COL1A1: variants seen among roughly 807,000 people sequenced by gnomAD.
The protein encoded by COL1A1 is collagen alpha-1(I) chain.
A neutral mutation model predicts 195.7 loss-of-function variants in COL1A1; 21 were observed. The observed-to-expected ratio is 0.11, with a 90% CI of 0.08 to 0.15. COL1A1 has a LOEUF of 0.15. Among genes scored for constraint, COL1A1 ranks in the 10% least tolerant of loss-of-function variants. COL1A1 has a pLI of 1.00. For synonymous variants in COL1A1, 749 were observed against 747.3 expected, an observed-to-expected ratio of 1.00 and a Z score of -0.04; for missense variants, 1,365 against 2,051.0, an observed-to-expected ratio of 0.67 and a Z score of 6.46.
Position 50,193,719 on chromosome 17 carries a change from G to T in COL1A1, c.1767+224C>A. ...ACTGGTCTCAAACTCCTGACCTCAT[G>T]GTCTGCCCGCCTTGGCCTCCCAAAG... is the stretch of plus-strand genomic sequence containing the variant. On this transcript the variant is annotated intron_variant, in intron 25 of 50. Transcript: ENST00000225964. The T allele has an allele frequency of 1.3e-5, 7 of 559,940 alleles. No individual in the cohort carries two copies. In the South Asian group the frequency reaches 1.3e-4, roughly 10 times the overall value. 34.7% of individuals were successfully genotyped at this position (559,940 alleles called of 1,614,324 possible).
chr17:50,200,242 T>A, intron 1 of COL1A1: 12 of 422,234 alleles, frequency 2.8e-5, no homozygotes, highest in East Asian at 4.7e-5. Context: ...CCAAGTGAAA[T>A]AAAAACCACA....
Position 50,189,931 on chromosome 17 carries a change from G to C in COL1A1, c.2560-19C>G, listed in dbSNP as rs1484379176. 3 of 1,611,622 alleles carry C rather than the reference G, an allele frequency of 1.9e-6. No homozygotes were observed. The highest frequency in any genetic ancestry group is 2.7e-5 in the African/African-American group (2 of 74,818). On this transcript the variant is annotated intron_variant, in intron 36 of 50. Transcript: ENST00000225964. The surrounding 1 kb of genome is among the most constrained non-coding windows in gnomAD (Gnocchi z 5.5). ...CATTACCCTGTAGGAGAGCACAGAG[G>C]CATCAAGCCTGGACCCGTCCTGGGT...
chr17:50,198,987 G>A (rs564100929), intron 5 of COL1A1, among the ~76,000 whole-genome samples: 4 of 152,064 alleles, frequency 2.6e-5, no homozygotes, highest in African/African-American at 4.8e-5. Context: ...GTATTTAGGC[G>A]CAAAAGAGCC....
chr17:50,196,034 C>T, intron 15 of COL1A1, 58 bp from the exon 16 acceptor site: 1 of 1,602,202 alleles, frequency 6.2e-7, no homozygotes, highest in Non-Finnish European at 8.5e-7. Flanking sequence ...CAAGTCACAC[C>T]CTGGGACAGA....
At chr17:50,193,749 G>A in intron 25 of COL1A1, 194 bp downstream of exon 25, 1 of 630,520 alleles carries the variant, frequency 1.6e-6, no homozygotes, top group East Asian at 2.9e-5. Context: ...CCAAAGTGCT[G>A]GGATTACAGG....
At position 50,188,903 on chromosome 17, in the gene COL1A1, C is replaced by T; in HGVS notation, c.3045G>A (p.Glu1015=). Residue 1015 remains glutamate (E), a splice_region_variant and synonymous_variant, in exon 41 of 51, where the codon GAG becomes GAA. Coordinates refer to ENST00000225964, the MANE Select transcript of COL1A1 (RefSeq NM_000088.4). The surrounding 1 kb of genome is among the most constrained non-coding windows in gnomAD (Gnocchi z 5.6). ...GGCATGGGGGCTGGGGACTGCTCAC[C>T]TCACGTCCAGATTCACCAGGGGGTC... is the stretch of plus-strand genomic sequence containing the variant. ...LAGPPGESGR[E]GAPGAEGSPG... 1 of 1,599,236 alleles carries T rather than the reference C, an allele frequency of 6.3e-7. No individual in the cohort carries two copies. The highest frequency in any genetic ancestry group is 8.6e-7 in the Non-Finnish European group (1 of 1,167,042).
rs887064711 is a variant in COL1A1 at position 50,184,339 on chromosome 17, T to C, written c.*1163A>G. ...GGAGGAGGGTTTCAGAGGAGAGAGGTCGGAGAGCAGAGGCCTGAGAAGCCA... is the reference window on the plus strand; with the variant it reads ...GGAGGAGGGTTTCAGAGGAGAGAGGCCGGAGAGCAGAGGCCTGAGAAGCCA... On this transcript the variant is annotated 3_prime_UTR_variant, in exon 51 of 51. Transcript: ENST00000225964. The C allele has an allele frequency of 1.3e-4, 31 of 230,492 alleles. No homozygotes were observed. Among genetic ancestry groups the C allele is most frequent in the Admixed American group, 5.7e-5 (1 of 17,622 alleles). The allele number at this position is 230,492 out of a possible 1,614,324, so 14.3% of individuals were successfully genotyped here. A position where few individuals can be genotyped will look rare whatever the true frequency, so the allele number is the denominator to read the frequency against.
At chr17:50,200,097 C>CGGG (rs766961870) in intron 1 of COL1A1, 150 bp from the exon 2 acceptor site, 1 of 872,296 alleles carries the variant, frequency 1.1e-6, no homozygotes, top group Non-Finnish European at 1.9e-6. Context: ...AGCTCGCCTG[C>CGGG]TCCTCATCAG....
At chr17:50,200,414 G>A (rs1262168072) in intron 1 of COL1A1, among the ~76,000 whole-genome samples, 2 of 152,102 alleles carry the variant, frequency 1.3e-5, no homozygotes, top group Non-Finnish European at 2.9e-5. Context: ...TGGGGTGGCG[G>A]GGGCGGGGCT....
chr17:50,189,813 C>T lies in COL1A1; in HGVS notation c.2613+46G>A, dbSNP rs201994508. ...CAGCTGCCCTCACCTGCCACCGCTG[C>T]CTGGGGAGAGGGGAGAGGCTCAACA... On this transcript the variant is annotated intron_variant, in intron 37 of 50. Coordinates refer to ENST00000225964, the MANE Select transcript of COL1A1 (RefSeq NM_000088.4). This position sits in a 1 kb window ranked among gnomAD's most constrained non-coding sequence, Gnocchi z 5.5. 77 of 1,612,364 alleles carry T rather than the reference C, an allele frequency of 4.8e-5. No homozygotes were observed. Among genetic ancestry groups the T allele is most frequent in the Non-Finnish European group, 6.0e-5 (71 of 1,179,010 alleles).
chr17:50,189,026 GAGTC>G lies in COL1A1; in HGVS notation c.2938-20_2938-17del. The G allele has an allele frequency of 6.2e-7, 1 of 1,608,694 alleles. No homozygotes were observed. Among genetic ancestry groups the G allele is most frequent in the Non-Finnish European group, 8.5e-7 (1 of 1,175,172 alleles). The stretch of plus-strand genomic sequence containing the variant: ...CAGGTTCACCCTAAGGGAGAAGAAA[GAGTC>G]AGGCCAGAGATAGGGTCTGGGAGGA... On this transcript the variant is annotated splice_polypyrimidine_tract_variant and intron_variant, in intron 40 of 50. Coordinates refer to ENST00000225964, the MANE Select transcript of COL1A1 (RefSeq NM_000088.4). The surrounding 1 kb of genome is among the most constrained non-coding windows in gnomAD (Gnocchi z 5.5).
chr17:50,198,090 G>A lies in COL1A1; in HGVS notation c.588+71C>T. Reference sequence around the variant, plus strand: ...CAAGAGATCTCTGAGCATCTCTCCTGCCCTCATCCCAGTCTTCCCTCCAAA... The same window carrying A: ...CAAGAGATCTCTGAGCATCTCTCCTACCCTCATCCCAGTCTTCCCTCCAAA... On this transcript the variant is annotated intron_variant, in intron 7 of 50. Coordinates refer to ENST00000225964, the MANE Select transcript of COL1A1 (RefSeq NM_000088.4). 3.1e-6 allele frequency: 5 copies of A among 1,605,444 alleles called. No individual in the cohort carries two copies. The South Asian group carries it at 5.5e-5, about 18-fold the overall frequency.
rs2144558904 is a variant in COL1A1, at chr17:50,191,495, G to A, written c.2128-5C>T. 8 of 1,612,700 alleles carry A rather than the reference G, an allele frequency of 5.0e-6. No homozygotes were observed. Among genetic ancestry groups the A allele is most frequent in the Non-Finnish European group, 6.8e-6 (8 of 1,179,174 alleles). The stretch of plus-strand genomic sequence containing the variant: ...TCCAGGGGCACCAGCATCACCCTAT[G>A]TGACAACCAAGAAGACTGGAGTGAG... On this transcript the variant is annotated splice_polypyrimidine_tract_variant and splice_region_variant and intron_variant, in intron 31 of 50. Coordinates refer to ENST00000225964, the MANE Select transcript of COL1A1 (RefSeq NM_000088.4).
rs1376990721 is a variant in COL1A1 at position 50,185,910 on chromosome 17, G to A, written c.4116C>T (p.Asn1372=). The change falls in exon 50 of 51, where the codon AAC becomes AAT. Residue 1372 remains asparagine (N), a synonymous_variant. Transcript: ENST00000225964. The part of the protein sequence containing the change: ...ASQNITYHCK[N]SVAYMDQQTG... Reference sequence around the variant, plus strand: ...TCTGCTGGTCCATGTAGGCCACGCTGTTCTTGCAGTGGTAGGTGATGTTCT... The same window carrying A: ...TCTGCTGGTCCATGTAGGCCACGCTATTCTTGCAGTGGTAGGTGATGTTCT... 1 of 1,614,144 alleles carries A rather than the reference G, an allele frequency of 6.2e-7. No individual in the cohort carries two copies. Among genetic ancestry groups the A allele is most frequent in the Non-Finnish European group, 8.5e-7 (1 of 1,180,024 alleles).
At chr17:50,191,338 A>G (rs764325194) in intron 32 of COL1A1, 45 bp downstream of exon 32, 9 of 1,502,470 alleles carry the variant, frequency 6.0e-6, no homozygotes, top group Non-Finnish European at 8.4e-6. Flanking sequence ...GCAGGCAGAG[A>G]TGGGAGCCAT....
At position 50,190,243 on chromosome 17, in the gene COL1A1, G is replaced by A. The variant is rs1362043135; in HGVS notation, c.2451+84C>T. 1 of 1,278,852 alleles carries A rather than the reference G, an allele frequency of 7.8e-7. No homozygotes were observed. The highest frequency in any genetic ancestry group is 1.1e-6 in the Non-Finnish European group (1 of 874,478). 79.2% of individuals were successfully genotyped at this position (1,278,852 alleles called of 1,614,324 possible). On this transcript the variant is annotated intron_variant, in intron 35 of 50. Coordinates refer to ENST00000225964, the MANE Select transcript of COL1A1 (RefSeq NM_000088.4). The surrounding 1 kb of genome is among the most constrained non-coding windows in gnomAD (Gnocchi z 4.7). ...GTCTCCACCCTTCTCCCCTGAGGAT[G>A]GCTGACGCCTTTGTCCTCATTCCGT...
intron 11 of COL1A1, 118 bp downstream of exon 11, chr17:50,196,892 G>C: frequency 1.6e-6 from 2 of 1,257,924 alleles, no homozygotes; most frequent in Non-Finnish European, 1.2e-6. Context: ...CTGTCCCTTG[G>C]GACTTCTGTA....
Position 50,189,877 on chromosome 17 carries a change from G to T in COL1A1, c.2595C>A (p.Arg865=). ...NVGAPGAKGA[R]GSAGPPGATG... ...TACTCACAGGGGGACCAGCGCTGCC[G>T]CGAGCACCTTTGGCTCCAGGAGCAC... The change falls in exon 37 of 51, where the codon CGC becomes CGA. Residue 865 remains arginine, a synonymous_variant. Coordinates refer to ENST00000225964, the MANE Select transcript of COL1A1 (RefSeq NM_000088.4). The surrounding 1 kb of genome is among the most constrained non-coding windows in gnomAD (Gnocchi z 5.5). 1.2e-6 allele frequency: 2 copies of T among 1,609,402 alleles called. No individual in the cohort carries two copies. Among genetic ancestry groups the T allele is most frequent in the South Asian group, 1.1e-5 (1 of 90,644 alleles).
Position 50,189,612 on chromosome 17 carries a change from C to A in COL1A1, c.2667+67G>T. The A allele has an allele frequency of 6.2e-7, 1 of 1,612,330 alleles. No individual in the cohort carries two copies. The highest frequency in any genetic ancestry group is 8.5e-7 in the Non-Finnish European group (1 of 1,179,050). On this transcript the variant is annotated intron_variant, in intron 38 of 50. Transcript: ENST00000225964. This position sits in a 1 kb window ranked among gnomAD's most constrained non-coding sequence, Gnocchi z 5.5. ...TCATTGGGTCCTCAGTCAGCCCCAC[C>A]ATCCTTCTGGCAGCCCCCACCCAGC... is the stretch of plus-strand genomic sequence containing the variant.
Sources: allele counts gnomAD v4.1 joint callset (sites outside exome capture counted in the v4.1 genomes callset), GRCh38; gene constraint gnomAD v4.1.1; non-coding constraint Gnocchi (gnomAD v3.1); transcripts MANE v1.5; gene names NCBI Gene and HGNC (gene_info 2026-07-23, HGNC 2026-07-21).